Variants in ARHGEF40 observed in about 807,000 individuals in gnomAD.
The protein encoded by ARHGEF40 is Rho guanine nucleotide exchange factor 40.
A neutral mutation model predicts 165.9 loss-of-function variants in ARHGEF40; 98 were observed. The ratio of observed to expected loss-of-function variants is 0.59; its 90% CI spans 0.50 to 0.70. The LOEUF (loss-of-function observed/expected upper bound fraction) is 0.70. Ranked by LOEUF, ARHGEF40 falls within the 30% of genes least tolerant of loss-of-function variation. ARHGEF40 has a pLI of 0.00. For synonymous variants in ARHGEF40, 792 were observed against 814.3 expected (o/e 0.97, Z 0.47); for missense variants, 1,815 against 1,968.0 (o/e 0.92, Z 1.47).
At chr14:21,084,693 C>T (rs1594577847) in intron 17 of ARHGEF40, 60 bp from the exon 18 acceptor site, 2 of 1,551,744 alleles carry the variant, frequency 1.3e-6, no homozygotes, top group Non-Finnish European at 1.7e-6. Context: ...TATTTTTGCT[C>T]CCTGTAAAAT....
intron 18 of ARHGEF40, 129 bp downstream of exon 18, chr14:21,085,052 T>C: frequency 8.3e-7 from 1 of 1,202,520 alleles, no homozygotes; most frequent in Non-Finnish European, 1.2e-6. Context: ...CTTTGGCTTG[T>C]AATCGACTAT....
Position 21,081,681 on chromosome 14 carries a change from G to T in ARHGEF40, c.2813G>T (p.Trp938Leu), listed in dbSNP as rs1887914326. Reference protein sequence around the residue: ...DLGSPAALREWGRCQARCQEL... With the variant: ...DLGSPAALRELGRCQARCQEL... ...GGCAGCCCAGCAGCCCTGCGAGAAT[G>T]GGGCCGCTGCCAGGCCCGCTGCCAA... The change falls in exon 14 of 24, where the codon TGG (tryptophan) becomes TTG (leucine). Residue 938 changes from tryptophan to leucine, a missense_variant. Physicochemically the swap from Trp to Leu is moderately conservative, Grantham distance 61. Transcript: ENST00000298694. 6.3e-7 allele frequency: 1 copy of T among 1,592,268 alleles called. No individual in the cohort carries two copies.
intron 16 of ARHGEF40, 62 bp downstream of exon 16, chr14:21,082,979 C>G (rs904608863): frequency 4.1e-6 from 6 of 1,463,586 alleles, no homozygotes; most frequent in Non-Finnish European, 4.8e-6. Flanking sequence ...AAAAACCCAC[C>G]CAACAAATCC....
chr14:21,088,821 TC>T lies in ARHGEF40; in HGVS notation c.4519-3del. 2 of 1,605,014 alleles carry T rather than the reference TC, an allele frequency of 1.2e-6. No homozygotes were observed. Among genetic ancestry groups the T allele is most frequent in the Non-Finnish European group, 8.5e-7 (1 of 1,174,510 alleles). ...GTCCCTAAATTCACTGTAGCTTCTCTCCCCCCAGAGTCATGCTCGAGCCCTG... is the reference window on the plus strand; with the variant it reads ...GTCCCTAAATTCACTGTAGCTTCTCTCCCCCAGAGTCATGCTCGAGCCCTG... On this transcript the variant is annotated splice_polypyrimidine_tract_variant and splice_region_variant and intron_variant, in intron 22 of 23. Coordinates refer to ENST00000298694, the MANE Select transcript of ARHGEF40 (RefSeq NM_018071.5).
At chr14:21,068,761 G>T (rs984953385), upstream of ARHGEF40, among the ~76,000 whole-genome samples, 2 of 152,216 alleles carry the variant, frequency 1.3e-5, no homozygotes, top group African/African-American at 4.8e-5. Flanking sequence ...GATGGTTACC[G>T]GGGCTTGTTG....
Position 21,080,641 on chromosome 14 carries a change from C to T in ARHGEF40, c.2374-19C>T, listed in dbSNP as rs377284304. The stretch of plus-strand genomic sequence containing the variant: ...TTTCCACTCCATGACCCCCTGCCCT[C>T]CCACCCCATCTGCCTCAGGTGTTGC... On this transcript the variant is annotated intron_variant, in intron 11 of 23. Transcript: ENST00000298694. The T allele has an allele frequency of 3.1e-6, 5 of 1,604,494 alleles. No individual in the cohort carries two copies. Among genetic ancestry groups the T allele is most frequent in the Non-Finnish European group, 4.3e-6 (5 of 1,175,960 alleles).
chr14:21,070,245 C>G (rs1273255077), upstream of ARHGEF40: 2 of 816,070 alleles, frequency 2.5e-6, no homozygotes, highest in East Asian at 4.4e-5. This position sits in a 1 kb window ranked among gnomAD's most constrained non-coding sequence, Gnocchi z 4.7. Context: ...GGCGGGGCCC[C>G]GCGGCCTGGA....
Position 21,073,154 on chromosome 14 carries a change from G to C in ARHGEF40, c.113G>C (p.Arg38Thr), listed in dbSNP as rs767249770. ...GGCCAGGTGTTCCAGGTGGTGGAGA[G>C]GACTTATCGGGAGGACGCACTGAGG... ...LLGQVFQVVE[R>T]TYREDALRYT... The change falls in exon 2 of 24, where the codon AGG (arginine) becomes ACG (threonine). Residue 38 changes from arginine to threonine, a missense_variant. Coordinates refer to ENST00000298694, the MANE Select transcript of ARHGEF40 (RefSeq NM_018071.5). The surrounding 1 kb of genome is among the most constrained non-coding windows in gnomAD (Gnocchi z 4.6). The C allele has an allele frequency of 6.2e-7, 1 of 1,614,154 alleles. No homozygotes were observed. Among genetic ancestry groups the C allele is most frequent in the Non-Finnish European group, 8.5e-7 (1 of 1,180,018 alleles).
chr14:21,070,716 T>C lies in ARHGEF40; in HGVS notation c.3+317T>C, dbSNP rs1393618333. On this transcript the variant is annotated intron_variant, in intron 1 of 23. Transcript: ENST00000298694. The surrounding 1 kb of genome is among the most constrained non-coding windows in gnomAD (Gnocchi z 4.7). Reference sequence around the variant, plus strand: ...TGTCCTGACCTGTGCCTTCCTTTCCTGGAGCTTCCCTCCCCCTCCTGGTCC... The same window carrying C: ...TGTCCTGACCTGTGCCTTCCTTTCCCGGAGCTTCCCTCCCCCTCCTGGTCC... The C allele has an allele frequency of 1.6e-6, 2 of 1,263,232 alleles. No individual in the cohort carries two copies. The highest frequency in any genetic ancestry group is 2.1e-5 in the Admixed American group (1 of 47,872). 78.3% of individuals were successfully genotyped at this position (1,263,232 alleles called of 1,614,324 possible).
At chr14:21,086,907 GAAAAAAAA>G in intron 19 of ARHGEF40, 86 bp from the exon 20 acceptor site, 1 of 724,226 alleles carries the variant, frequency 1.4e-6, no homozygotes, top group East Asian at 3.3e-5. Flanking sequence ...GGGAAGGAAC[GAAAAAAAA>G]AAAAAAAGAA....
At position 21,076,428 on chromosome 14, in the gene ARHGEF40, C is replaced by T. The variant is rs774102937; in HGVS notation, c.1808C>T (p.Ala603Val). The T allele has an allele frequency of 6.2e-7, 1 of 1,613,842 alleles. No individual in the cohort carries two copies. The highest frequency in any genetic ancestry group is 1.7e-5 in the Admixed American group (1 of 60,034). The change falls in exon 6 of 24, where the codon GCA (alanine) becomes GTA (valine). Residue 603 changes from alanine (A) to valine (V), a missense_variant. By Grantham distance (64) the Ala-to-Val change is moderately conservative (BLOSUM62 0). Transcript: ENST00000298694. ...DLRQAPPLPP[A>V]LIPALSQLQD... ...CGTCAGGCACCTCCACTGCCTCCAG[C>T]ACTCATTCCTGCCTTGAGCCAACTT...
chr14:21,081,575 C>G lies in ARHGEF40; in HGVS notation c.2707C>G (p.Leu903Val). ...AGAGPGREAV[L>V]AALALRRAPE... ...AGCTGGGCCGGGTCGGGAGGCTGTGCTGGCTGCACTGGCCCTGCGGCGGGC... is the reference window on the plus strand; with the variant it reads ...AGCTGGGCCGGGTCGGGAGGCTGTGGTGGCTGCACTGGCCCTGCGGCGGGC... The change falls in exon 14 of 24, where the codon CTG (leucine) becomes GTG (valine). Residue 903 changes from leucine (L) to valine (V), a missense_variant. Transcript: ENST00000298694. The G allele has an allele frequency of 1.2e-6, 2 of 1,612,446 alleles. No homozygotes were observed. The highest frequency in any genetic ancestry group is 1.7e-6 in the Non-Finnish European group (2 of 1,179,770).
intron 13 of ARHGEF40, 78 bp from the exon 14 acceptor site, chr14:21,081,431 G>T: frequency 6.4e-7 from 1 of 1,556,590 alleles, no homozygotes; most frequent in Non-Finnish European, 8.7e-7. Context: ...GAGGACAAGG[G>T]CTGTCACTGG....
At chr14:21,082,793 C>G in intron 15 of ARHGEF40, 38 bp from the exon 16 acceptor site, 1 of 1,597,960 alleles carries the variant, frequency 6.3e-7, no homozygotes, top group Non-Finnish European at 8.6e-7. Flanking sequence ...CTGCAGCGGC[C>G]TCACCGGGGA....
intron 8 of ARHGEF40, 22 bp downstream of exon 8, chr14:21,076,912 T>C (rs767742334): frequency 6.3e-7 from 1 of 1,586,514 alleles, no homozygotes; most frequent in South Asian, 1.1e-5. Flanking sequence ...CTCTACCACC[T>C]AGCATGCTGG....
rs1397322420 is a variant in ARHGEF40 at position 21,083,888 on chromosome 14, AC to A, written c.3628del (p.Gln1210SerfsTer2). On this transcript the variant is annotated frameshift_variant, in exon 17 of 24. Transcript: ENST00000298694. LOFTEE classifies it high-confidence loss of function. ...LPRALQQPLE[Q>X]LTRYGRLLEE... ...CCCGAGCCCTGCAGCAGCCTCTGGA[AC>A]AGCTGACTCGGTATGGGCGGCTCCT... 1.9e-6 allele frequency: 3 copies of A among 1,614,078 alleles called. No individual in the cohort carries two copies. Among genetic ancestry groups the A allele is most frequent in the Non-Finnish European group, 2.5e-6 (3 of 1,180,024 alleles).
At chr14:21,086,384 T>A (rs960042481) in intron 19 of ARHGEF40, 1 of 30,670 alleles carries the variant, frequency 3.3e-5, no homozygotes. Flanking sequence ...TTTAAAGGAT[T>A]TTTTTTTTTC....
At position 21,078,217 on chromosome 14, in the gene ARHGEF40, G is replaced by A. The variant is rs762350407; in HGVS notation, c.2075G>A (p.Gly692Asp). 3.7e-6 allele frequency: 6 copies of A among 1,613,966 alleles called. No individual in the cohort carries two copies. The African/African-American group carries it at 5.3e-5, about 14-fold the overall frequency. Residue 692 changes from glycine to aspartate, a missense_variant, in exon 9 of 24, where the codon GGC (glycine) becomes GAC (aspartate). By Grantham distance (94) the Gly-to-Asp change is moderately conservative (BLOSUM62 -1). Transcript: ENST00000298694. ...RLCRLCQGVL[G>D]SVRQAIEELE... is the part of the protein sequence containing the mutation. ...TGTCGCCTGTGCCAAGGTGTGCTGG[G>A]CTCGGTACGGCAGGCCATTGAGGAG...
At chr14:21,065,816 G>A (rs527656340), upstream of ARHGEF40, among the ~76,000 whole-genome samples, 2 of 152,286 alleles carry the variant, frequency 1.3e-5, no homozygotes, top group East Asian at 3.9e-4. Context: ...CTGAAAGAAG[G>A]GGCCGAATGC....
Sources: gnomAD v4.1 joint callset for allele counts (sites outside exome capture counted in the v4.1 genomes callset) on GRCh38, gnomAD v4.1.1 for gene constraint, Gnocchi (gnomAD v3.1) non-coding constraint, MANE v1.5 for transcripts, NCBI Gene and HGNC (gene_info 2026-07-23, HGNC 2026-07-21) for gene names.